The following LRRC28 variants were observed in gnomAD, a reference collection of about 807,000 sequenced individuals.
LRRC28 encodes leucine-rich repeat-containing protein 28.
A neutral mutation model predicts 45.7 loss-of-function variants in LRRC28; 39 were observed. The ratio of observed to expected loss-of-function variants is 0.85; its 90% CI spans 0.66 to 1.12. The LOEUF is 1.12. LRRC28 is among the 50% of genes most tolerant of loss of function. LRRC28 has a pLI of 0.00. For missense variants in LRRC28, 435 were observed against 438.5 expected (o/e 0.99, Z 0.07); for synonymous variants, 206 against 178.8 (o/e 1.15, Z -1.22).
At chr15:99,357,363 C>T (rs1337409416) in intron 7 of LRRC28, among the ~76,000 whole-genome samples, 1 of 152,164 alleles carries the variant, frequency 6.6e-6, no homozygotes, top group Non-Finnish European at 1.5e-5. Context: ...GTAGTAGCTC[C>T]ACACTACAAA....
At chr15:99,286,862 G>T in intron 3 of LRRC28, 1 of 156,772 alleles carries the variant, frequency 6.4e-6, no homozygotes, top group Non-Finnish European at 1.4e-5. Flanking sequence ...TTTTAGAAAC[G>T]AAAAGTTCAT....
chr15:99,252,182 A>G (rs1052694380), intron 1 of LRRC28, among the ~76,000 whole-genome samples: 9 of 152,242 alleles, frequency 5.9e-5, no homozygotes, highest in South Asian at 4.1e-4. Context: ...AAGAGGTAGT[A>G]TAACTATACA....
At chr15:99,262,670 G>A (rs572294418) in intron 2 of LRRC28, among the ~76,000 whole-genome samples, 2 of 152,134 alleles carry the variant, frequency 1.3e-5, no homozygotes, top group Admixed American at 1.3e-4. Context: ...TTGAGTCAGG[G>A]TCTTTCTGTG....
At chr15:99,310,328 G>A (rs1354592787) in intron 5 of LRRC28, among the ~76,000 whole-genome samples, 1 of 152,226 alleles carries the variant, frequency 6.6e-6, no homozygotes, top group African/African-American at 2.4e-5. Context: ...TAGAAGGAAT[G>A]ATGGAATTTT....
chr15:99,300,252 ATAAT>A (rs879315790), intron 5 of LRRC28, among the ~76,000 whole-genome samples: 12 of 152,106 alleles, frequency 7.9e-5, no homozygotes, highest in African/African-American at 2.9e-4. Context: ...AGATGTTGAA[ATAAT>A]TAAAAAGTAT....
In LRRC28 at chr15:99,375,490, T is replaced by G. The variant is rs868159312; in HGVS notation, c.1032-10540T>G. Among the ~76,000 whole-genome samples, 13 of 152,302 alleles carry G rather than the reference T, an allele frequency of 8.5e-5. No individual in the cohort carries two copies. In the Middle Eastern group the frequency reaches 0.014, roughly 159 times the overall value. On this transcript the variant is annotated intron_variant, in intron 9 of 9. Transcript: ENST00000301981. Reference sequence around the variant, plus strand: ...GATAATAATGGCCTTATTAAATGAGTTAGGAAGTGTTCTTCTTCTTCTGCT... The same window carrying G: ...GATAATAATGGCCTTATTAAATGAGGTAGGAAGTGTTCTTCTTCTTCTGCT...
intron 6 of LRRC28, among the ~76,000 whole-genome samples, chr15:99,343,197 ATGT>A (rs764833173): frequency 5.9e-5 from 9 of 152,274 alleles, no homozygotes; most frequent in African/African-American, 1.2e-4. Context: ...GATTGCTTTG[ATGT>A]TGTTGTTTCT....
At chr15:99,308,029 C>T (rs1567648288) in intron 5 of LRRC28, among the ~76,000 whole-genome samples, 2 of 152,108 alleles carry the variant, frequency 1.3e-5, no homozygotes, top group Non-Finnish European at 2.9e-5. Context: ...AGGAATCTGC[C>T]AAAATAACCC....
At chr15:99,343,676 A>T (rs1956590410) in intron 6 of LRRC28, among the ~76,000 whole-genome samples, 2 of 152,212 alleles carry the variant, frequency 1.3e-5, no homozygotes, top group African/African-American at 4.8e-5. Context: ...GAACTTTAAA[A>T]ATATTATTGC....
intron 5 of LRRC28, among the ~76,000 whole-genome samples, chr15:99,312,960 A>G (rs549507075): frequency 1.2e-4 from 19 of 152,352 alleles, no homozygotes; most frequent in South Asian, 1.2e-3. Context: ...TTAAATGTGA[A>G]TGGTCTAAAC....
chr15:99,340,141 A>G (rs1479848906), intron 6 of LRRC28, among the ~76,000 whole-genome samples: 1 of 152,262 alleles, frequency 6.6e-6, no homozygotes. Flanking sequence ...TGATAAGGGT[A>G]TAAAGCTGGC....
At chr15:99,313,042 G>C (rs931496792) in intron 5 of LRRC28, among the ~76,000 whole-genome samples, 1 of 151,902 alleles carries the variant, frequency 6.6e-6, no homozygotes, top group Non-Finnish European at 1.5e-5. Context: ...TGTCAGAAGA[G>C]GTACAATTTA....
intron 9 of LRRC28, among the ~76,000 whole-genome samples, chr15:99,364,499 C>T (rs1957290498): frequency 6.6e-6 from 1 of 152,144 alleles, no homozygotes; most frequent in Non-Finnish European, 1.5e-5. Flanking sequence ...CTAAGGTGAT[C>T]AGATAACCAG....
chr15:99,298,867 C>T (rs1360330627), intron 5 of LRRC28, among the ~76,000 whole-genome samples: 3 of 152,108 alleles, frequency 2.0e-5, no homozygotes, highest in Non-Finnish European at 4.4e-5. Context: ...TGCCACCACA[C>T]CCAGCTAATT....
intron 3 of LRRC28, among the ~76,000 whole-genome samples, chr15:99,284,252 G>T (rs2081894499): frequency 6.6e-6 from 1 of 152,058 alleles, no homozygotes; most frequent in Admixed American, 6.6e-5. Context: ...TGATTCTAAT[G>T]TGCAGTCAGG....
intron 2 of LRRC28, among the ~76,000 whole-genome samples, chr15:99,261,344 G>C (rs1411483285): frequency 6.6e-6 from 1 of 152,142 alleles, no homozygotes; most frequent in Non-Finnish European, 1.5e-5. Flanking sequence ...CTTCTGCTTT[G>C]GTTCATTCAT....
intron 2 of LRRC28, among the ~76,000 whole-genome samples, chr15:99,266,817 C>T (rs973521658): frequency 3.9e-5 from 6 of 152,168 alleles, no homozygotes; most frequent in African/African-American, 1.2e-4. Context: ...ACGCAAATGA[C>T]ATGTATTATT....
intron 5 of LRRC28, chr15:99,317,348 G>A (rs2152272994): frequency 6.6e-6 from 1 of 152,268 alleles, no homozygotes; most frequent in African/African-American, 2.4e-5. Flanking sequence ...CCAAATGTAT[G>A]GGAACCTGCT....
intron 3 of LRRC28, among the ~76,000 whole-genome samples, chr15:99,281,140 A>G (rs1025580881): frequency 6.6e-6 from 1 of 150,626 alleles, no homozygotes; most frequent in African/African-American, 2.4e-5. Flanking sequence ...GGATCCTCCC[A>G]TCTCAGCCTC....
Sources: gnomAD v4.1 joint callset for allele counts (sites outside exome capture counted in the v4.1 genomes callset) on GRCh38, gnomAD v4.1.1 for gene constraint, MANE v1.5 for transcripts, NCBI Gene and HGNC (gene_info 2026-07-23, HGNC 2026-07-21) for gene names.